NPIPB2: variants seen among roughly 807,000 people sequenced by gnomAD.
NPIPB2 encodes the protein nuclear pore complex-interacting protein family member B2.
Under a neutral mutation model 30.8 loss-of-function variants are expected in NPIPB2, and 27 were observed. That is an observed-to-expected ratio of 0.88 (90% CI 0.65 to 1.21). The LOEUF (loss-of-function observed/expected upper bound fraction) is 1.21, where lower values mean the gene tolerates loss of function less well. Among genes scored for constraint, NPIPB2 ranks in the 50% most tolerant of loss-of-function variants. The probability of loss-of-function intolerance (pLI) is 0.00; values close to 1 mark genes in which losing one functional copy is unlikely to be tolerated. For synonymous variants in NPIPB2, 147 were observed against 162.0 expected, an observed-to-expected ratio of 0.91 and a Z score of 0.70; for missense variants, 440 against 446.2, an observed-to-expected ratio of 0.99 and a Z score of 0.13.
intron 2 of NPIPB2, among the ~76,000 whole-genome samples, chr16:11,936,391 T>G (rs2054869579): frequency 6.6e-6 from 1 of 150,414 alleles, no homozygotes; most frequent in African/African-American, 2.4e-5. Context: ...ATAGAGAATG[T>G]TAAATGTGCC....
At chr16:11,959,862 A>T (rs1353962537) in intron 1 of NPIPB2, among the ~76,000 whole-genome samples, 1 of 151,928 alleles carries the variant, frequency 6.6e-6, no homozygotes, top group Non-Finnish European at 1.5e-5. Flanking sequence ...TGTAGCCTCA[A>T]CCTCCTAGGT....
chr16:11,933,718 T>C lies in NPIPB2; in HGVS notation c.293-6A>G, dbSNP rs1298419091. ...CATACAAATGGACCTCAGCCCTTGG[T>C]GAGAGTGAGGAGAGGAGAAGGTGAG... is the stretch of plus-strand genomic sequence containing the variant. On this transcript the variant is annotated splice_region_variant and splice_polypyrimidine_tract_variant and intron_variant, in intron 3 of 7. Coordinates refer to ENST00000399147, the Ensembl canonical transcript of NPIPB2. 8 of 1,596,784 alleles carry C rather than the reference T, an allele frequency of 5.0e-6. No individual in the cohort carries two copies. The Admixed American group carries it at 1.0e-4, about 20-fold the overall frequency.
chr16:11,971,088 C>A (rs943782745), intron 1 of NPIPB2, among the ~76,000 whole-genome samples: 2 of 145,600 alleles, frequency 1.4e-5, no homozygotes, highest in African/African-American at 2.5e-5. Flanking sequence ...AACTCCTGGG[C>A]TCAAGCGATC....
intron 4 of NPIPB2, among the ~76,000 whole-genome samples, chr16:11,931,953 C>T (rs2054795008): frequency 1.3e-5 from 2 of 150,702 alleles, no homozygotes; most frequent in African/African-American, 4.9e-5. Flanking sequence ...CAAAGAAGCA[C>T]AGCAGCTTTT....
At chr16:11,944,162 T>G (rs1019989276), upstream of NPIPB2, among the ~76,000 whole-genome samples, 1 of 151,118 alleles carries the variant, frequency 6.6e-6, no homozygotes, top group African/African-American at 2.4e-5. Context: ...ATACAGATGA[T>G]AAACTGGATT....
intron 1 of NPIPB2, among the ~76,000 whole-genome samples, chr16:11,964,817 G>A (rs901047037): frequency 6.6e-6 from 1 of 152,268 alleles, no homozygotes; most frequent in Admixed American, 6.5e-5. Context: ...TTTGCCTTTT[G>A]ACTCCCAAAG....
intron 4 of NPIPB2, among the ~76,000 whole-genome samples, chr16:11,932,508 T>C (rs1430437763): frequency 6.6e-6 from 1 of 151,818 alleles, no homozygotes; most frequent in Non-Finnish European, 1.5e-5. Flanking sequence ...CTGGGAACGG[T>C]GGCTCATGCC....
At chr16:11,930,283 A>G (rs1344119598) in intron 5 of NPIPB2, among the ~76,000 whole-genome samples, 167 bp downstream of exon 5, 6 of 133,364 alleles carry the variant, frequency 4.5e-5, no homozygotes, top group African/African-American at 1.8e-4. Context: ...GGTAAATATT[A>G]AGGTACTTTG....
intron 1 of NPIPB2, among the ~76,000 whole-genome samples, chr16:11,949,372 G>A: frequency 6.6e-6 from 1 of 152,162 alleles, no homozygotes; most frequent in East Asian, 1.9e-4. Context: ...TGTGTGACCA[G>A]CGCTACATAG....
At chr16:11,969,881 C>T (rs371754027) in intron 1 of NPIPB2, among the ~76,000 whole-genome samples, 1 of 151,888 alleles carries the variant, frequency 6.6e-6, no homozygotes, top group African/African-American at 2.4e-5. Flanking sequence ...TTTTTTGAGA[C>T]GGGGTCTTGC....
In NPIPB2 at chr16:11,927,473, TCGGG is replaced by T; in HGVS notation, c.1090_1093del (p.Pro364AsnfsTer22). ...CTCAGCGGCCCTCCGCCTCTTGGGT[TCGGG>T]TGGTGATTCCACCTCAGCGGCCCTC... On this transcript the variant is annotated frameshift_variant, in exon 8 of 8. Coordinates refer to ENST00000399147, the Ensembl canonical transcript of NPIPB2. LOFTEE classifies it high-confidence loss of function. 8.2e-7 allele frequency: 1 copy of T among 1,213,982 alleles called. No homozygotes were observed. Among genetic ancestry groups the T allele is most frequent in the East Asian group, 3.5e-5 (1 of 28,684 alleles). The allele number at this position is 1,213,982 out of a possible 1,614,324, so 75.2% of individuals were successfully genotyped here. A position where few individuals can be genotyped will look rare whatever the true frequency, so the allele number is the denominator to read the frequency against.
At chr16:11,970,231 G>C (rs1352544501) in intron 1 of NPIPB2, among the ~76,000 whole-genome samples, 1 of 151,382 alleles carries the variant, frequency 6.6e-6, no homozygotes, top group Non-Finnish European at 1.5e-5. Context: ...ATTTATTTTT[G>C]AGATGAAGTC....
chr16:11,943,442 G>T (rs1204685170), upstream of NPIPB2, among the ~76,000 whole-genome samples: 1 of 152,288 alleles, frequency 6.6e-6, no homozygotes, highest in African/African-American at 2.4e-5. Flanking sequence ...GGTGGCTCAC[G>T]CCTGTAATCC....
At chr16:11,946,581 G>T (rs983931991), upstream of NPIPB2, among the ~76,000 whole-genome samples, 2 of 151,660 alleles carry the variant, frequency 1.3e-5, no homozygotes, top group African/African-American at 4.8e-5. Context: ...TTTAAGAAAA[G>T]CAATGCATAA....
chr16:11,976,179 T>A (rs1191618192), intron 1 of NPIPB2, among the ~76,000 whole-genome samples: 1 of 152,068 alleles, frequency 6.6e-6, no homozygotes, highest in East Asian at 1.9e-4. Context: ...TCCGCTCGCC[T>A]CGGCCTCCCA....
rs2054904098 is a variant in NPIPB2 at position 11,939,030 on chromosome 16, G to A, written c.64-1362C>T. On this transcript the variant is annotated intron_variant, in intron 1 of 7. Transcript: ENST00000399147. ...CAAAGTGCTGGGAATACAGGTGTGA[G>A]CCACTGCACCTGGCCAGTAGTTATC... Among the ~76,000 whole-genome samples, 4 of 152,244 alleles carry A rather than the reference G, an allele frequency of 2.6e-5. No homozygotes were observed. In the South Asian group the frequency reaches 8.3e-4, roughly 32 times the overall value.
chr16:11,963,704 T>C (rs2055171174), intron 1 of NPIPB2, among the ~76,000 whole-genome samples: 1 of 152,184 alleles, frequency 6.6e-6, no homozygotes, highest in African/African-American at 2.4e-5. Context: ...GACAAACATC[T>C]GGACGTCTCT....
intron 2 of NPIPB2, among the ~76,000 whole-genome samples, chr16:11,934,830 G>T (rs2054843690): frequency 7.6e-6 from 1 of 131,126 alleles, no homozygotes; most frequent in South Asian, 2.6e-4. Flanking sequence ...CTGCACTCCA[G>T]CCTGGTGACA....
chr16:11,966,761 C>CA (rs2055197349), intron 1 of NPIPB2, among the ~76,000 whole-genome samples: 1 of 152,134 alleles, frequency 6.6e-6, no homozygotes, highest in African/African-American at 2.4e-5. Context: ...CTTGAGTGAA[C>CA]ATTTTACTAC....
Sources: gnomAD v4.1 joint callset for allele counts (sites outside exome capture counted in the v4.1 genomes callset) on GRCh38, gnomAD v4.1.1 for gene constraint, MANE v1.5 for transcripts, NCBI Gene and HGNC (gene_info 2026-07-23, HGNC 2026-07-21) for gene names.